The following ERO1A variants were observed in gnomAD, a reference collection of about 807,000 sequenced individuals.
The protein encoded by ERO1A is ERO1-like protein alpha.
A neutral mutation model predicts 76.9 loss-of-function variants in ERO1A; 49 were observed. The ratio of observed to expected loss-of-function variants is 0.64; its 90% CI spans 0.51 to 0.81. The LOEUF is 0.81. ERO1A is among the 30% of genes least tolerant of loss of function. ERO1A has a pLI of 0.00. For synonymous variants in ERO1A, 174 were observed against 181.2 expected, an observed-to-expected ratio of 0.96 and a Z score of 0.32; for missense variants, 448 against 542.1, an observed-to-expected ratio of 0.83 and a Z score of 1.72.
intron 1 of ERO1A, among the ~76,000 whole-genome samples, chr14:52,693,791 C>T (rs1196188865): frequency 1.3e-5 from 2 of 152,120 alleles, no homozygotes; most frequent in African/African-American, 4.8e-5. Context: ...AGCCACCACA[C>T]CCAGCCCAAT....
chr14:52,688,246 G>A (rs1319900389), intron 1 of ERO1A, among the ~76,000 whole-genome samples: 1 of 151,964 alleles, frequency 6.6e-6, no homozygotes, highest in Non-Finnish European at 1.5e-5. Flanking sequence ...AGCCTTGGAA[G>A]GCTTTCTATT....
chr14:52,661,849 A>T (rs1246700401), intron 8 of ERO1A, among the ~76,000 whole-genome samples: 1 of 149,678 alleles, frequency 6.7e-6, no homozygotes, highest in East Asian at 2.0e-4. Flanking sequence ...TTGTCTTCAA[A>T]AATTTTGCCC....
chr14:52,695,366 AC>A lies in ERO1A; in HGVS notation c.114+1del. 2 of 1,455,322 alleles carry A rather than the reference AC, an allele frequency of 1.4e-6. No homozygotes were observed. The highest frequency in any genetic ancestry group is 1.8e-6 in the Non-Finnish European group (2 of 1,092,476). The allele number at this position is 1,455,322 out of a possible 1,614,324, so 90.2% of individuals were successfully genotyped here. ...CTCAGCACCAACGCGCACATCGCTCACCTGGCAGAAGCACCTCTGTGCCGCT... is the reference window on the plus strand; with the variant it reads ...CTCAGCACCAACGCGCACATCGCTCACTGGCAGAAGCACCTCTGTGCCGCT... On this transcript the variant is annotated splice_donor_variant, in intron 1 of 15. Coordinates refer to ENST00000395686, the MANE Select transcript of ERO1A (RefSeq NM_014584.3). LOFTEE classifies it high-confidence loss of function.
At chr14:52,664,388 G>A (rs1223317784) in intron 7 of ERO1A, among the ~76,000 whole-genome samples, 1 of 152,078 alleles carries the variant, frequency 6.6e-6, no homozygotes, top group Non-Finnish European at 1.5e-5. Flanking sequence ...AAATTTTCTG[G>A]AGAGTTACTA....
chr14:52,654,841 TAC>T (rs1301775051), intron 11 of ERO1A, among the ~76,000 whole-genome samples: 2 of 152,230 alleles, frequency 1.3e-5, no homozygotes, highest in African/African-American at 4.8e-5. Context: ...ATGTGATGGC[TAC>T]AGTTTTCTCA....
At chr14:52,663,680 G>A in intron 8 of ERO1A, 121 bp downstream of exon 8, 2 of 601,320 alleles carry the variant, frequency 3.3e-6, no homozygotes, top group Non-Finnish European at 6.0e-6. Context: ...ATAACTCTAT[G>A]GAAACAGGAC....
intron 11 of ERO1A, among the ~76,000 whole-genome samples, chr14:52,655,645 T>C (rs2040018774): frequency 1.3e-5 from 2 of 151,992 alleles, no homozygotes; most frequent in South Asian, 4.1e-4. Context: ...CTCACTCTTA[T>C]TTTATGTGAT....
chr14:52,691,033 T>C (rs1340225998), intron 1 of ERO1A, among the ~76,000 whole-genome samples: 1 of 152,108 alleles, frequency 6.6e-6, no homozygotes, highest in Non-Finnish European at 1.5e-5. Context: ...TCCCAAAGTG[T>C]TGGAATTACA....
intron 6 of ERO1A, among the ~76,000 whole-genome samples, chr14:52,666,712 C>G (rs2040423809): frequency 6.6e-6 from 1 of 152,210 alleles, no homozygotes; most frequent in Non-Finnish European, 1.5e-5. Flanking sequence ...GGGCGGATCA[C>G]TTGAGGTCAG....
chr14:52,658,179 G>A (rs1241843886), intron 9 of ERO1A, 29 bp from the exon 10 acceptor site: 3 of 1,453,850 alleles, frequency 2.1e-6, no homozygotes, highest in Non-Finnish European at 2.8e-6. Flanking sequence ...TAAGTCATAA[G>A]AATAGAAAAA....
chr14:52,658,162 A>G lies in ERO1A; in HGVS notation c.689-12T>C. On this transcript the variant is annotated splice_polypyrimidine_tract_variant and intron_variant, in intron 9 of 15. Coordinates refer to ENST00000395686, the MANE Select transcript of ERO1A (RefSeq NM_014584.3). ...GTAAAAAGTGTTCTCTGAAATCAAAAGAAAAATAAGTCATAAGAATAGAAA... is the reference window on the plus strand; with the variant it reads ...GTAAAAAGTGTTCTCTGAAATCAAAGGAAAAATAAGTCATAAGAATAGAAA... The G allele has an allele frequency of 6.7e-7, 1 of 1,482,520 alleles. No homozygotes were observed. The highest frequency in any genetic ancestry group is 9.3e-7 in the Non-Finnish European group (1 of 1,080,330). 91.8% of individuals were successfully genotyped at this position (1,482,520 alleles called of 1,614,324 possible).
chr14:52,660,254 C>T (rs1027539364), intron 9 of ERO1A, among the ~76,000 whole-genome samples: 1 of 151,850 alleles, frequency 6.6e-6, no homozygotes, highest in East Asian at 1.9e-4. Context: ...TGGCCAAAAT[C>T]AATACTTATA....
chr14:52,672,414 A>C (rs1033052013), intron 4 of ERO1A, among the ~76,000 whole-genome samples: 32 of 152,334 alleles, frequency 2.1e-4, no homozygotes, highest in African/African-American at 5.8e-4. Context: ...TTCTACAATA[A>C]ATATTTTAAG....
rs1431139335 is a variant in ERO1A at position 52,641,756 on chromosome 14, C to CTTAA, written c.*1810_*1813dup. 4 of 152,160 alleles carry CTTAA rather than the reference C, an allele frequency of 2.6e-5. No individual in the cohort carries two copies. The highest frequency in any genetic ancestry group is 4.8e-5 in the African/African-American group (2 of 41,428). 9.4% of individuals were successfully genotyped at this position (152,160 alleles called of 1,614,324 possible). ...TCTTTTGAGTCTCCAAGAGGATTGA[C>CTTAA]TTAATTAATGGTTTAATGTCTTTCC... On this transcript the variant is annotated 3_prime_UTR_variant, in exon 16 of 16. Coordinates refer to ENST00000395686, the MANE Select transcript of ERO1A (RefSeq NM_014584.3).
At chr14:52,653,378 T>G in intron 11 of ERO1A, 63 bp from the exon 12 acceptor site, 2 of 1,349,260 alleles carry the variant, frequency 1.5e-6, no homozygotes, top group East Asian at 4.7e-5. Flanking sequence ...TTAATTATAT[T>G]AGGTTATTCA....
intron 15 of ERO1A, 151 bp downstream of exon 15, chr14:52,646,003 T>C (rs2039640566): frequency 3.5e-6 from 3 of 864,310 alleles, no homozygotes; most frequent in Non-Finnish European, 5.0e-6. Context: ...GCCACTGCAC[T>C]CCAGCCTGGG....
At position 52,643,016 on chromosome 14, in the gene ERO1A, A is replaced by T. The variant is rs185463356; in HGVS notation, c.*554T>A. 49 of 152,606 alleles carry T rather than the reference A, an allele frequency of 3.2e-4. No individual in the cohort carries two copies. The highest frequency in any genetic ancestry group is 1.1e-3 in the African/African-American group (45 of 41,582). 9.5% of individuals were successfully genotyped at this position (152,606 alleles called of 1,614,324 possible). A position where few individuals can be genotyped will look rare whatever the true frequency, so the allele number is the denominator to read the frequency against. Reference sequence around the variant, plus strand: ...GTTAAATTTGAATTTCAAACAAATAATTTTTTAGTATAAGTATTTTCCAAA... The same window carrying T: ...GTTAAATTTGAATTTCAAACAAATATTTTTTTAGTATAAGTATTTTCCAAA... On this transcript the variant is annotated 3_prime_UTR_variant, in exon 16 of 16. Coordinates refer to ENST00000395686, the MANE Select transcript of ERO1A (RefSeq NM_014584.3).
chr14:52,656,798 C>T (rs1047753971), intron 11 of ERO1A, among the ~76,000 whole-genome samples: 4 of 151,610 alleles, frequency 2.6e-5, no homozygotes, highest in Non-Finnish European at 5.9e-5. Flanking sequence ...CAGTAGCTCA[C>T]GGCTATAATC....
At chr14:52,652,344 G>A in intron 12 of ERO1A, 36 bp from the exon 13 acceptor site, 1 of 1,404,974 alleles carries the variant, frequency 7.1e-7, no homozygotes, top group Non-Finnish European at 1.0e-6. Context: ...ATTTTCATGT[G>A]TTATAAATAT....
Sources: allele counts gnomAD v4.1 joint callset (sites outside exome capture counted in the v4.1 genomes callset), GRCh38; gene constraint gnomAD v4.1.1; transcripts MANE v1.5; gene names NCBI Gene and HGNC (gene_info 2026-07-23, HGNC 2026-07-21).